Variants in ENC1 observed in about 807,000 individuals in gnomAD.
ENC1 encodes ectodermal-neural cortex 1.
ENC1 carries 19 observed loss-of-function variants against 40.9 expected under a neutral mutation model. The observed-to-expected ratio is 0.46, with a 90% CI of 0.32 to 0.68. The LOEUF is 0.68. ENC1 is among the 30% of genes least tolerant of loss of function. ENC1 has a pLI of 0.03. For synonymous variants in ENC1, 285 were observed against 291.1 expected, an observed-to-expected ratio of 0.98 and a Z score of 0.21; for missense variants, 479 against 737.5, an observed-to-expected ratio of 0.65 and a Z score of 4.06.
At position 74,636,856 on chromosome 5, in the gene ENC1, C is replaced by T. The variant is rs1747619148; in HGVS notation, c.-13-358G>A. On this transcript the variant is annotated intron_variant, in intron 1 of 2. Coordinates refer to ENST00000302351, the MANE Select transcript of ENC1 (RefSeq NM_003633.4). The surrounding 1 kb of genome is among the most constrained non-coding windows in gnomAD (Gnocchi z 4.8). Reference sequence around the variant, plus strand: ...CCAAGAGGAGTGAGTCTCATTCCCACAGCTCCCTGTCCTAGTCCAGCTCAT... The same window carrying T: ...CCAAGAGGAGTGAGTCTCATTCCCATAGCTCCCTGTCCTAGTCCAGCTCAT... Among the ~76,000 whole-genome samples the T allele has an allele frequency of 6.6e-6, 1 of 152,326 alleles. No individual in the cohort carries two copies. Among genetic ancestry groups the T allele is most frequent in the South Asian group, 2.1e-4 (1 of 4,830 alleles).
intron 2 of ENC1, 128 bp from the exon 3 acceptor site, chr5:74,630,120 G>A (rs560710020): frequency 1.3e-4 from 20 of 152,222 alleles, no homozygotes; most frequent in African/African-American, 4.8e-4. Flanking sequence ...TATGGAGCTG[G>A]ACAATATTGC....
chr5:74,636,367 C>A lies in ENC1; in HGVS notation c.119G>T (p.Arg40Leu). Residue 40 changes from arginine (R) to leucine (L), a missense_variant, in exon 2 of 3, where the codon CGC (arginine) becomes CTC (leucine). Arg to Leu is a moderately radical substitution (Grantham distance 102). Coordinates refer to ENST00000302351, the MANE Select transcript of ENC1 (RefSeq NM_003633.4). This position sits in a 1 kb window ranked among gnomAD's most constrained non-coding sequence, Gnocchi z 4.8. ...GACGTCAGTGAAGAGACGCTGCTGG[C>A]GTAAAAGATTCAGGTGAGTGAGGAC... ...DSVLTHLNLLRQQRLFTDVLL... is the reference protein window; with the variant it reads ...DSVLTHLNLLLQQRLFTDVLL... 1 of 1,614,110 alleles carries A rather than the reference C, an allele frequency of 6.2e-7. No individual in the cohort carries two copies. The highest frequency in any genetic ancestry group is 8.5e-7 in the Non-Finnish European group (1 of 1,180,022).
chr5:74,632,245 C>T (rs1234958877), intron 2 of ENC1: 1 of 152,178 alleles, frequency 6.6e-6, no homozygotes, highest in Non-Finnish European at 1.5e-5. Flanking sequence ...GGACTAACAC[C>T]CAACTAAGTG....
chr5:74,632,459 C>T (rs1014555971), intron 2 of ENC1, among the ~76,000 whole-genome samples: 1 of 152,228 alleles, frequency 6.6e-6, no homozygotes, highest in African/African-American at 2.4e-5. Context: ...CTGATTGTTC[C>T]TGCTGCTTTG....
rs1358335881 is a variant in ENC1, at chr5:74,629,455, A to T, written c.*570T>A. 6.6e-6 allele frequency: 1 copy of T among 152,248 alleles called. No homozygotes were observed. The highest frequency in any genetic ancestry group is 1.5e-5 in the Non-Finnish European group (1 of 68,044). The allele number at this position is 152,248 out of a possible 1,614,324, so 9.4% of individuals were successfully genotyped here. A position where few individuals can be genotyped will look rare whatever the true frequency, so the allele number is the denominator to read the frequency against. On this transcript the variant is annotated 3_prime_UTR_variant, in exon 3 of 3. Coordinates refer to ENST00000302351, the MANE Select transcript of ENC1 (RefSeq NM_003633.4). ...CCAAATGGCTACCAACAAAGTCCCC[A>T]TTGTTCAGAAACGTTCCTGGGGAGC...
In ENC1 at chr5:74,629,030, C is replaced by T. The variant is rs962658413; in HGVS notation, c.*995G>A. On this transcript the variant is annotated 3_prime_UTR_variant, in exon 3 of 3. Coordinates refer to ENST00000302351, the MANE Select transcript of ENC1 (RefSeq NM_003633.4). ...AAGGGCAGAAAGCAGCCTCCCCTTA[C>T]CCTATCAGCACAACCAAACCCCATG... is the stretch of plus-strand genomic sequence containing the variant. 2.0e-5 allele frequency: 3 copies of T among 152,146 alleles called. No homozygotes were observed. Among genetic ancestry groups the T allele is most frequent in the Admixed American group, 2.0e-4 (3 of 15,276 alleles). The allele number at this position is 152,146 out of a possible 1,614,324, so 9.4% of individuals were successfully genotyped here. A position where few individuals can be genotyped will look rare whatever the true frequency, so the allele number is the denominator to read the frequency against.
intron 2 of ENC1, among the ~76,000 whole-genome samples, chr5:74,633,392 C>T (rs566559247): frequency 6.6e-6 from 1 of 152,294 alleles, no homozygotes; most frequent in African/African-American, 2.4e-5. Context: ...TAGGGTCGGC[C>T]TGACTGATTA....
chr5:74,632,442 G>A (rs1006290523), intron 2 of ENC1, among the ~76,000 whole-genome samples: 1 of 152,232 alleles, frequency 6.6e-6, no homozygotes, highest in Admixed American at 6.5e-5. Context: ...CTCCCCAGAG[G>A]AGGTGTCTGA....
In ENC1 at chr5:74,635,017, A is replaced by G; in HGVS notation, c.1469T>C (p.Leu490Pro). The G allele has an allele frequency of 6.2e-7, 1 of 1,614,238 alleles. No homozygotes were observed. The highest frequency in any genetic ancestry group is 1.3e-5 in the African/African-American group (1 of 75,070). Residue 490 changes from leucine (L) to proline (P), a missense_variant, in exon 2 of 3, where the codon CTG becomes CCG. Physicochemically the swap from Leu to Pro is moderately conservative, Grantham distance 98 (BLOSUM62 -3). Transcript: ENST00000302351. The surrounding 1 kb of genome is among the most constrained non-coding windows in gnomAD (Gnocchi z 5.5). ...QPWRYTAAAV[L>P]GNQIFIMGGD... ...CCCCATAATAAAAATCTGGTTCCCC[A>G]GCACAGCTGCTGCTGTGTAACGCCA...
intron 1 of ENC1, among the ~76,000 whole-genome samples, chr5:74,637,304 A>G (rs899501504): frequency 6.6e-6 from 1 of 152,022 alleles, no homozygotes; most frequent in Non-Finnish European, 1.5e-5. Flanking sequence ...TTTTGTAGAG[A>G]CCGGGTCTCA....
chr5:74,631,793 T>C (rs957617957), intron 2 of ENC1, among the ~76,000 whole-genome samples: 1 of 152,176 alleles, frequency 6.6e-6, no homozygotes, highest in Admixed American at 6.5e-5. Context: ...GCCAACATGT[T>C]CACTCTGGGC....
chr5:74,638,153 A>G (rs1500134), intron 1 of ENC1, among the ~76,000 whole-genome samples: 119,617 of 152,190 alleles, frequency 0.79, 47,165 homozygotes, highest in Middle Eastern at 0.86. Context: ...AGCCAGTCCC[A>G]AAAGCGCAGC....
At chr5:74,639,444 A>G (rs1477862702) in intron 1 of ENC1, among the ~76,000 whole-genome samples, 1 of 152,248 alleles carries the variant, frequency 6.6e-6, no homozygotes, top group Non-Finnish European at 1.5e-5. Context: ...CTTCAGTTAC[A>G]GTAACTTCAG....
Position 74,634,978 on chromosome 5 carries a change from AATTCTGT to A in ENC1, c.1501_1507del (p.Thr501SerfsTer22). ...GAATTTATAAGCAGAGCAGGCAGAG[AATTCTGT>A]ATCACCCCCCATAATAAAAATCTGG... On this transcript the variant is annotated frameshift_variant, in exon 2 of 3. Coordinates refer to ENST00000302351, the MANE Select transcript of ENC1 (RefSeq NM_003633.4). LOFTEE classifies it high-confidence loss of function. The A allele has an allele frequency of 6.2e-7, 1 of 1,614,114 alleles. No individual in the cohort carries two copies. The highest frequency in any genetic ancestry group is 8.5e-7 in the Non-Finnish European group (1 of 1,180,008).
At chr5:74,630,019 AC>A (rs1747338654) in intron 2 of ENC1, 27 bp from the exon 3 acceptor site, 1 of 152,192 alleles carries the variant, frequency 6.6e-6, no homozygotes, top group African/African-American at 2.4e-5. Context: ...AGGAAAAAAA[AC>A]AAAACAAAAA....
intron 2 of ENC1, among the ~76,000 whole-genome samples, chr5:74,630,965 A>T (rs1211277112): frequency 6.6e-6 from 1 of 152,182 alleles, no homozygotes; most frequent in African/African-American, 2.4e-5. Flanking sequence ...CCTAACAGTG[A>T]TTCAAGCTTT....
rs950866641 is a variant in ENC1 at position 74,635,439 on chromosome 5, C to T, written c.1047G>A (p.Gly349=). Residue 349 remains glycine, a synonymous_variant, in exon 2 of 3, where the codon GGG becomes GGA. Transcript: ENST00000302351. The surrounding 1 kb of genome is among the most constrained non-coding windows in gnomAD (Gnocchi z 5.5). Reference sequence around the variant, plus strand: ...CATCTTTTGAGACCCCATTTTCAGACCCCCGCCCCCCAGTAATGTACACTT... The same window carrying T: ...CATCTTTTGAGACCCCATTTTCAGATCCCCGCCCCCCAGTAATGTACACTT... ...GCKVYITGGR[G]SENGVSKDVW... The T allele has an allele frequency of 6.2e-6, 10 of 1,613,688 alleles. No homozygotes were observed. The highest frequency in any genetic ancestry group is 1.7e-5 in the Admixed American group (1 of 60,000).
rs1370650420 is a variant in ENC1, at chr5:74,635,250, C to T, written c.1236G>A (p.Lys412=). The change falls in exon 2 of 3, where the codon AAG becomes AAA. Residue 412 remains lysine, a synonymous_variant. Coordinates refer to ENST00000302351, the MANE Select transcript of ENC1 (RefSeq NM_003633.4). This position sits in a 1 kb window ranked among gnomAD's most constrained non-coding sequence, Gnocchi z 5.5. Reference sequence around the variant, plus strand: ...TTGTGGGGTCATAATGTTCTACCTGCTTTAGAGAGACTGAGGGGGAGGCCG... The same window carrying T: ...TTGTGGGGTCATAATGTTCTACCTGTTTTAGAGAGACTGAGGGGGAGGCCG... ...CLPASPSVSL[K]QVEHYDPTIN... The T allele has an allele frequency of 3.1e-6, 5 of 1,614,050 alleles. No individual in the cohort carries two copies. Among genetic ancestry groups the T allele is most frequent in the Non-Finnish European group, 4.2e-6 (5 of 1,180,038 alleles).
At chr5:74,632,854 A>G (rs1747441117) in intron 2 of ENC1, among the ~76,000 whole-genome samples, 1 of 152,174 alleles carries the variant, frequency 6.6e-6, no homozygotes. Flanking sequence ...CTGTCTCAAA[A>G]AGAAAATAAA....
Sources: allele counts gnomAD v4.1 joint callset (sites outside exome capture counted in the v4.1 genomes callset), GRCh38; gene constraint gnomAD v4.1.1; non-coding constraint Gnocchi (gnomAD v3.1); transcripts MANE v1.5; gene names NCBI Gene and HGNC (gene_info 2026-07-23, HGNC 2026-07-21).